Variants in CEP70 observed in about 807,000 individuals in gnomAD.
CEP70 encodes the protein centrosomal protein 70.
CEP70 carries 70 observed loss-of-function variants against 90.9 expected under a neutral mutation model. That is an observed-to-expected ratio of 0.77 (90% CI 0.64 to 0.94). CEP70 has a LOEUF of 0.94. Among genes scored for constraint, CEP70 ranks in the 40% least tolerant of loss-of-function variants. The pLI, the probability that CEP70 is intolerant of heterozygous loss-of-function variation, is 0.00. For synonymous variants in CEP70, 220 were observed against 228.3 expected, an observed-to-expected ratio of 0.96 and a Z score of 0.33; for missense variants, 648 against 669.0, an observed-to-expected ratio of 0.97 and a Z score of 0.35.
At chr3:138,499,194 C>CAT (rs1376548003) in intron 16 of CEP70, among the ~76,000 whole-genome samples, 4 of 152,176 alleles carry the variant, frequency 2.6e-5, no homozygotes, top group African/African-American at 9.6e-5. Context: ...ACTTGCAAAA[C>CAT]ATATGGTTTA....
chr3:138,547,230 C>T (rs2039279647), intron 6 of CEP70, among the ~76,000 whole-genome samples: 1 of 152,154 alleles, frequency 6.6e-6, no homozygotes, highest in Non-Finnish European at 1.5e-5. Context: ...TTGAGTTTTA[C>T]AAAACTGTAG....
chr3:138,498,236 C>G, intron 16 of CEP70, 126 bp from the exon 17 acceptor site: 1 of 624,496 alleles, frequency 1.6e-6, no homozygotes, highest in South Asian at 2.2e-5. Flanking sequence ...TGATCATTTA[C>G]TACAGTCTTT....
At chr3:138,592,206 T>A (rs2042418689) in intron 1 of CEP70, among the ~76,000 whole-genome samples, 1 of 152,186 alleles carries the variant, frequency 6.6e-6, no homozygotes, top group Non-Finnish European at 1.5e-5. Context: ...AAATCTATCA[T>A]CATCTATCAT....
At chr3:138,549,746 G>A (rs541572355) in intron 6 of CEP70, among the ~76,000 whole-genome samples, 72 of 152,232 alleles carry the variant, frequency 4.7e-4, no homozygotes, top group Admixed American at 7.9e-4. Flanking sequence ...CTCCTGGCAG[G>A]AGGTCAACCA....
chr3:138,526,288 A>G (rs1258738360), intron 10 of CEP70, among the ~76,000 whole-genome samples: 1 of 151,982 alleles, frequency 6.6e-6, no homozygotes, highest in Non-Finnish European at 1.5e-5. Context: ...GGCCTCTTGA[A>G]TAGCTGGGAC....
intron 6 of CEP70, among the ~76,000 whole-genome samples, chr3:138,540,846 T>C (rs1560368967): frequency 1.3e-5 from 2 of 152,148 alleles, no homozygotes; most frequent in Non-Finnish European, 1.5e-5. Flanking sequence ...TCAACTGAAA[T>C]ACTCATCAAT....
chr3:138,534,978 G>A (rs1374384308), intron 7 of CEP70, among the ~76,000 whole-genome samples: 6 of 152,000 alleles, frequency 3.9e-5, no homozygotes, highest in Admixed American at 3.9e-4. Flanking sequence ...TACTACAACC[G>A]ATTCCTAACT....
intron 16 of CEP70, 42 bp from the exon 17 acceptor site, chr3:138,498,152 G>C (rs2108652485): frequency 1.3e-6 from 2 of 1,489,664 alleles, no homozygotes; most frequent in East Asian, 4.6e-5. Flanking sequence ...TTCTAACTTT[G>C]GGTTCTTGCA....
At chr3:138,576,172 T>G (rs2041509884) in intron 2 of CEP70, among the ~76,000 whole-genome samples, 1 of 151,710 alleles carries the variant, frequency 6.6e-6, no homozygotes, top group Non-Finnish European at 1.5e-5. Flanking sequence ...GGATAAAGAG[T>G]CAAGACCCAT....
At chr3:138,534,817 G>A (rs924778977) in intron 7 of CEP70, among the ~76,000 whole-genome samples, 1 of 152,088 alleles carries the variant, frequency 6.6e-6, no homozygotes, top group Non-Finnish European at 1.5e-5. Context: ...TTTCTTCCCC[G>A]TTCCTTCAAA....
intron 13 of CEP70, among the ~76,000 whole-genome samples, chr3:138,502,707 G>A (rs1172269437): frequency 1.3e-5 from 2 of 152,076 alleles, no homozygotes; most frequent in Non-Finnish European, 2.9e-5. Flanking sequence ...AAGATGTTCT[G>A]GTCTCCTAAG....
rs767419744 is a variant in CEP70, at chr3:138,500,117, G to A, written c.1645C>T (p.Leu549Phe). ...QVMQVLGPED[L>F]QSIIYKLEEH... ...AACTTTTAAAACAAATACCTCTGGA[G>A]GTCTTCAGGTCCTAATACCTGCATA... Residue 549 changes from leucine (L) to phenylalanine (F), a missense_variant, in exon 16 of 18, where the codon CTC becomes TTC. By Grantham distance (22) the Leu-to-Phe change is conservative. Transcript: ENST00000264982. The A allele has an allele frequency of 6.2e-7, 1 of 1,603,560 alleles. No individual in the cohort carries two copies. The highest frequency in any genetic ancestry group is 8.5e-7 in the Non-Finnish European group (1 of 1,170,656).
intron 10 of CEP70, 80 bp downstream of exon 10, chr3:138,529,119 T>G: frequency 1.2e-6 from 1 of 803,048 alleles, no homozygotes; most frequent in Non-Finnish European, 2.0e-6. Context: ...TGAGACGTGA[T>G]CACACCACTG....
intron 2 of CEP70, among the ~76,000 whole-genome samples, chr3:138,580,567 CAGACTACAA>C (rs1226620230): frequency 2.0e-5 from 3 of 152,120 alleles, no homozygotes; most frequent in African/African-American, 7.2e-5. Context: ...CAAACAAGCC[CAGACTACAA>C]AGACTACAAT....
At chr3:138,510,261 A>G (rs2108728204) in intron 11 of CEP70, among the ~76,000 whole-genome samples, 1 of 151,774 alleles carries the variant, frequency 6.6e-6, no homozygotes, top group South Asian at 2.1e-4. Flanking sequence ...TAAAAAAAAA[A>G]AAAAGAAAAA....
rs2034113077 is a variant in CEP70, at chr3:138,498,109, T to C, written c.1654A>G (p.Ile552Val). ...QVLGPEDLQS[I>V]IYKLEEHEEF... ...TCGTGTTCTTCCAATTTGTAGATAA[T>C]GCTGTTTAAAAAATGCACAATTTAA... The change falls in exon 17 of 18, where the codon ATT becomes GTT. Residue 552 changes from isoleucine to valine, a missense_variant and splice_region_variant. Transcript: ENST00000264982. 1 of 1,611,778 alleles carries C rather than the reference T, an allele frequency of 6.2e-7. No individual in the cohort carries two copies. Among genetic ancestry groups the C allele is most frequent in the African/African-American group, 1.3e-5 (1 of 74,982 alleles).
intron 2 of CEP70, among the ~76,000 whole-genome samples, chr3:138,588,596 G>T (rs992135758): frequency 7.2e-5 from 11 of 152,216 alleles, no homozygotes; most frequent in Non-Finnish European, 1.6e-4. Flanking sequence ...GTGTTTTCGA[G>T]GATGTGAGGG....
chr3:138,585,799 C>G (rs1164163947), intron 2 of CEP70, among the ~76,000 whole-genome samples: 1 of 152,160 alleles, frequency 6.6e-6, no homozygotes, highest in Non-Finnish European at 1.5e-5. Context: ...AAAGAAAAGT[C>G]TCTTCAATGA....
chr3:138,496,197 C>T (rs1271362564), intron 17 of CEP70: 25 of 985,300 alleles, frequency 2.5e-5, no homozygotes, highest in Admixed American at 6.1e-5. Flanking sequence ...TTAATAAACG[C>T]GTTCCCTTAC....
Sources: gnomAD v4.1 joint callset for allele counts (sites outside exome capture counted in the v4.1 genomes callset) on GRCh38, gnomAD v4.1.1 for gene constraint, MANE v1.5 for transcripts, NCBI Gene and HGNC (gene_info 2026-07-23, HGNC 2026-07-21) for gene names.